Variants in ABCC4 observed in about 807,000 individuals in gnomAD.
The protein encoded by ABCC4 is ATP binding cassette subfamily C member 4 (PEL blood group).
ABCC4 carries 102 observed loss-of-function variants against 168.5 expected under a neutral mutation model. That is an observed-to-expected ratio of 0.61 (90% CI 0.52 to 0.71). ABCC4 has a LOEUF of 0.71. Ranked by LOEUF, ABCC4 falls within the 30% of genes least tolerant of loss-of-function variation. The probability of loss-of-function intolerance (pLI) is 0.00; values close to 1 mark genes in which losing one functional copy is unlikely to be tolerated. For missense variants in ABCC4, 1,402 were observed against 1,605.8 expected, an observed-to-expected ratio of 0.87 and a Z score of 2.17; for synonymous variants, 617 against 590.7, an observed-to-expected ratio of 1.04 and a Z score of -0.65.
chr13:95,232,655 C>T (rs538154614), intron 4 of ABCC4, among the ~76,000 whole-genome samples: 13 of 147,770 alleles, frequency 8.8e-5, no homozygotes, highest in African/African-American at 2.0e-4. Flanking sequence ...CCAGCCTGGG[C>T]GACAGAGCAA....
At chr13:95,274,343 C>T (rs2040918993) in intron 1 of ABCC4, among the ~76,000 whole-genome samples, 1 of 152,080 alleles carries the variant, frequency 6.6e-6, no homozygotes, top group African/African-American at 2.4e-5. Context: ...TTCTTAGAAC[C>T]AGAAGGGCCC....
intron 22 of ABCC4, among the ~76,000 whole-genome samples, chr13:95,074,815 T>C (rs949393137): frequency 2.6e-5 from 4 of 152,174 alleles, no homozygotes; most frequent in African/African-American, 7.2e-5. Flanking sequence ...TTTTTGTTTG[T>C]TTGTTTGCTA....
chr13:95,064,252 GTGTGTGTGTATATATATATATATATA>G (rs142660889), intron 25 of ABCC4, among the ~76,000 whole-genome samples: 2,076 of 118,126 alleles, frequency 0.018, 107 homozygotes, highest in African/African-American at 0.063. Context: ...CCGGGTGTGT[GTGTGTGTGTATATATATATATATATA>G]TATATATATA....
intron 3 of ABCC4, among the ~76,000 whole-genome samples, chr13:95,245,186 A>C (rs1026764615): frequency 5.9e-5 from 9 of 152,236 alleles, no homozygotes; most frequent in Non-Finnish European, 1.5e-5. Context: ...AGCCCTGAGC[A>C]TGACAAGCTC....
chr13:95,117,911 T>C (rs531658612), intron 19 of ABCC4, among the ~76,000 whole-genome samples: 8 of 151,936 alleles, frequency 5.3e-5, no homozygotes, highest in African/African-American at 1.9e-4. Flanking sequence ...AGACCTCATC[T>C]CTACAAAAAA....
At chr13:95,067,437 A>G (rs2033586990) in intron 25 of ABCC4, among the ~76,000 whole-genome samples, 2 of 152,216 alleles carry the variant, frequency 1.3e-5, no homozygotes. Flanking sequence ...CAAGTTGTCA[A>G]AGGAAGTTTC....
At chr13:95,196,234 C>G (rs2038411592) in intron 8 of ABCC4, among the ~76,000 whole-genome samples, 1 of 152,142 alleles carries the variant, frequency 6.6e-6, no homozygotes, top group African/African-American at 2.4e-5. Context: ...ACTGTCAGCT[C>G]TCCTCAAAAC....
intron 19 of ABCC4, among the ~76,000 whole-genome samples, chr13:95,126,955 T>C (rs1208759385): frequency 1.3e-5 from 2 of 151,054 alleles, no homozygotes; most frequent in African/African-American, 4.9e-5. Flanking sequence ...TCTTTAAAAA[T>C]TCAGATAAAA....
chr13:95,295,395 C>G (rs1346874486), intron 1 of ABCC4, among the ~76,000 whole-genome samples: 1 of 152,114 alleles, frequency 6.6e-6, no homozygotes, highest in Non-Finnish European at 1.5e-5. Context: ...CACAGTGGCT[C>G]GCCCCCGTAA....
chr13:95,272,508 A>G (rs950312688), intron 1 of ABCC4, among the ~76,000 whole-genome samples: 6 of 152,246 alleles, frequency 3.9e-5, no homozygotes, highest in Admixed American at 1.3e-4. Flanking sequence ...CAAACATGAA[A>G]TCTAAATTAA....
At chr13:95,081,742 T>C (rs1053447790) in intron 21 of ABCC4, among the ~76,000 whole-genome samples, 1 of 152,190 alleles carries the variant, frequency 6.6e-6, no homozygotes, top group Non-Finnish European at 1.5e-5. Flanking sequence ...AGTACACACC[T>C]GTAGTTCCAG....
chr13:95,203,233 G>A (rs73561743), intron 8 of ABCC4, among the ~76,000 whole-genome samples: 13,301 of 152,014 alleles, frequency 0.087, 1,848 homozygotes, highest in African/African-American at 0.29. Flanking sequence ...TAATGGCCAG[G>A]AAGACAGACT....
chr13:95,112,272 G>T (rs942211734), intron 20 of ABCC4, among the ~76,000 whole-genome samples: 1 of 151,678 alleles, frequency 6.6e-6, no homozygotes, highest in Non-Finnish European at 1.5e-5. Context: ...AAAATCGTTT[G>T]AACCTGGGGG....
chr13:95,185,387 A>G (rs1008938061), intron 11 of ABCC4, among the ~76,000 whole-genome samples: 3 of 152,260 alleles, frequency 2.0e-5, no homozygotes, highest in African/African-American at 7.2e-5. Context: ...CCGAAAATGC[A>G]TCATCTCTCA....
chr13:95,115,680 C>T (rs1482359696), intron 20 of ABCC4, among the ~76,000 whole-genome samples: 1 of 152,154 alleles, frequency 6.6e-6, no homozygotes, highest in Non-Finnish European at 1.5e-5. Flanking sequence ...TTACCAAGCA[C>T]GAAGCTGCTT....
At chr13:95,292,563 G>A (rs2041429249) in intron 1 of ABCC4, among the ~76,000 whole-genome samples, 1 of 152,128 alleles carries the variant, frequency 6.6e-6, no homozygotes, top group Non-Finnish European at 1.5e-5. Context: ...TTTCTTAGAA[G>A]TAAGTAAACA....
intron 1 of ABCC4, among the ~76,000 whole-genome samples, chr13:95,254,556 A>C (rs1345527279): frequency 6.6e-6 from 1 of 152,194 alleles, no homozygotes; most frequent in Non-Finnish European, 1.5e-5. Context: ...CCTCTCAGTT[A>C]TCAGCCGTCA....
intron 20 of ABCC4, among the ~76,000 whole-genome samples, 185 bp from the exon 21 acceptor site, chr13:95,083,475 C>T (rs12864844): frequency 0.096 from 14,627 of 151,954 alleles, 978 homozygotes; most frequent in Non-Finnish European, 0.14. Flanking sequence ...TACATGCCTG[C>T]CATGTGCCAA....
In ABCC4 at chr13:95,194,832, T is replaced by C. The variant is rs1283236779; in HGVS notation, c.1263+4A>G. ...GTCATGATCTTGCATTAAGGATATG[T>C]TACCTTATCCCAAAAAGCAGTAAAA... On this transcript the variant is annotated splice_donor_region_variant and intron_variant, in intron 9 of 30. Transcript: ENST00000645237. 5 of 1,608,524 alleles carry C rather than the reference T, an allele frequency of 3.1e-6. No homozygotes were observed. The highest frequency in any genetic ancestry group is 4.3e-6 in the Non-Finnish European group (5 of 1,175,334).
Sources: allele counts gnomAD v4.1 joint callset (sites outside exome capture counted in the v4.1 genomes callset), GRCh38; gene constraint gnomAD v4.1.1; transcripts MANE v1.5; gene names NCBI Gene and HGNC (gene_info 2026-07-23, HGNC 2026-07-21).